The following SGCZ variants were observed in gnomAD, a reference collection of about 807,000 sequenced individuals.
SGCZ encodes the protein sarcoglycan zeta.
In SGCZ, 40 loss-of-function variants were observed where a neutral mutation model predicts 41.3. That is an observed-to-expected ratio of 0.97 (90% CI 0.75 to 1.26). SGCZ has a LOEUF of 1.26. Ranked by LOEUF, SGCZ falls within the 50% of genes most tolerant of loss-of-function variation. SGCZ has a pLI of 0.00. For missense variants in SGCZ, 552 were observed against 369.8 expected, an observed-to-expected ratio of 1.49 and a Z score of -4.04; for synonymous variants, 206 against 137.5, an observed-to-expected ratio of 1.50 and a Z score of -3.49.
At chr8:14,873,323 C>G (rs767242042) in intron 1 of SGCZ, among the ~76,000 whole-genome samples, 1 of 152,052 alleles carries the variant, frequency 6.6e-6, no homozygotes, top group African/African-American at 2.4e-5. Context: ...GCCCAATTGC[C>G]TTAACAGAGT....
chr8:14,588,059 A>C lies in SGCZ; in HGVS notation c.40-33133T>G, dbSNP rs574181924. Among the ~76,000 whole-genome samples the C allele has an allele frequency of 2.6e-5, 4 of 152,250 alleles. No individual in the cohort carries two copies. The South Asian group carries it at 6.2e-4, about 24-fold the overall frequency. On this transcript the variant is annotated intron_variant, in intron 1 of 7. Coordinates refer to ENST00000382080, the MANE Select transcript of SGCZ (RefSeq NM_139167.4). ...ATTTTTATACAGAATTAATTTATAC[A>C]CATATATATTTCAAACATTTTTGCT...
intron 1 of SGCZ, among the ~76,000 whole-genome samples, chr8:15,232,790 T>C (rs1801993688): frequency 7.9e-6 from 1 of 126,374 alleles, no homozygotes; most frequent in Admixed American, 9.0e-5. Flanking sequence ...TATATATGTG[T>C]GTATACATAT....
intron 1 of SGCZ, among the ~76,000 whole-genome samples, chr8:15,159,056 A>T (rs915372895): frequency 2.0e-5 from 3 of 152,180 alleles, no homozygotes; most frequent in African/African-American, 7.2e-5. Context: ...TGGTCACCTG[A>T]AAGACCAGAA....
Position 15,133,891 on chromosome 8 carries a change from G to T in SGCZ, c.39+103694C>A, listed in dbSNP as rs1377743926. Among the ~76,000 whole-genome samples, 4 of 152,088 alleles carry T rather than the reference G, an allele frequency of 2.6e-5. No homozygotes were observed. In the East Asian group the frequency reaches 7.7e-4, roughly 29 times the overall value. On this transcript the variant is annotated intron_variant, in intron 1 of 7. Coordinates refer to ENST00000382080, the MANE Select transcript of SGCZ (RefSeq NM_139167.4). ...ACAATGATCCTTTGCTAATTTTTGA[G>T]GGAAGTCTATTTTTCTTAGTAAGCC... is the stretch of plus-strand genomic sequence containing the variant.
intron 1 of SGCZ, among the ~76,000 whole-genome samples, chr8:14,945,158 G>A (rs1370445761): frequency 1.6e-5 from 2 of 125,044 alleles, no homozygotes; most frequent in African/African-American, 5.9e-5. Context: ...TGTTGTGTGT[G>A]GGTGGGTGGG....
intron 2 of SGCZ, among the ~76,000 whole-genome samples, chr8:14,530,966 C>T (rs1366619839): frequency 6.6e-6 from 1 of 151,962 alleles, no homozygotes; most frequent in Non-Finnish European, 1.5e-5. Flanking sequence ...CAGACAAGTT[C>T]CCAGGTGGAC....
chr8:15,134,433 C>A (rs1281572987), intron 1 of SGCZ, among the ~76,000 whole-genome samples: 1 of 151,894 alleles, frequency 6.6e-6, no homozygotes, highest in Non-Finnish European at 1.5e-5. Flanking sequence ...ATTCACTGAG[C>A]AATTACAACC....
intron 1 of SGCZ, among the ~76,000 whole-genome samples, chr8:15,221,599 G>T (rs1801604725): frequency 6.6e-6 from 1 of 152,162 alleles, no homozygotes; most frequent in South Asian, 2.1e-4. Context: ...TTTGAAATCT[G>T]TGAAGACACT....
intron 1 of SGCZ, among the ~76,000 whole-genome samples, chr8:14,664,769 A>T (rs1807854768): frequency 6.6e-6 from 1 of 152,202 alleles, no homozygotes; most frequent in South Asian, 2.1e-4. Context: ...TCATAATTTG[A>T]ATTCTGTGAA....
intron 1 of SGCZ, among the ~76,000 whole-genome samples, chr8:15,007,998 A>T (rs1434325067): frequency 6.6e-6 from 1 of 152,200 alleles, no homozygotes; most frequent in Non-Finnish European, 1.5e-5. Flanking sequence ...CTCAAGTTAC[A>T]GTAAGTCAAT....
At chr8:15,108,309 T>C (rs1249214371) in intron 1 of SGCZ, among the ~76,000 whole-genome samples, 2 of 152,184 alleles carry the variant, frequency 1.3e-5, no homozygotes, top group Non-Finnish European at 2.9e-5. Context: ...GTGATTAAAT[T>C]TTTATCAAAC....
intron 1 of SGCZ, among the ~76,000 whole-genome samples, chr8:15,198,976 C>T (rs1800816104): frequency 6.6e-6 from 1 of 152,206 alleles, no homozygotes; most frequent in South Asian, 2.1e-4. Flanking sequence ...ATTCTTAACA[C>T]ATCAAGTAAC....
chr8:15,100,076 C>T lies in SGCZ; in HGVS notation c.39+137509G>A, dbSNP rs116612240. Among the ~76,000 whole-genome samples the T allele has an allele frequency of 5.2e-3, 798 of 152,124 alleles. 5 individuals carry two copies. Among genetic ancestry groups the T allele is most frequent in the African/African-American group, 0.019 (774 of 41,504 alleles). On this transcript the variant is annotated intron_variant, in intron 1 of 7. Transcript: ENST00000382080. Reference sequence around the variant, plus strand: ...GATGTCTTTTCTTACCACTTCTAGTCAACATTGTACCAAAAGTCATAGCTA... The same window carrying T: ...GATGTCTTTTCTTACCACTTCTAGTTAACATTGTACCAAAAGTCATAGCTA...
intron 1 of SGCZ, among the ~76,000 whole-genome samples, chr8:14,771,150 T>C (rs6980965): frequency 0.19 from 29,132 of 151,638 alleles, 4,624 homozygotes; most frequent in African/African-American, 0.44. Context: ...AGTTTTTAGA[T>C]GGGGACAGAA....
chr8:14,489,726 A>G (rs1318107197), intron 2 of SGCZ, among the ~76,000 whole-genome samples: 5 of 152,088 alleles, frequency 3.3e-5, no homozygotes. Flanking sequence ...TAGCTCCCCT[A>G]TCTCCCAGTC....
intron 3 of SGCZ, chr8:14,309,034 G>A (rs898406993): frequency 8.8e-6 from 11 of 1,253,196 alleles, no homozygotes; most frequent in East Asian, 4.7e-5. Context: ...AAATGAAACC[G>A]GAAGCCTCCC....
At chr8:14,669,910 A>C (rs1808048951) in intron 1 of SGCZ, among the ~76,000 whole-genome samples, 2 of 152,182 alleles carry the variant, frequency 1.3e-5, no homozygotes. Context: ...TAGTCCACAT[A>C]GGAATTAAAC....
chr8:14,671,785 T>C (rs1425457750), intron 1 of SGCZ, among the ~76,000 whole-genome samples: 1 of 152,088 alleles, frequency 6.6e-6, no homozygotes, highest in Non-Finnish European at 1.5e-5. Context: ...AACAAAACAA[T>C]TTTTTCCAAA....
chr8:14,466,840 T>G (rs1012474284), intron 2 of SGCZ, among the ~76,000 whole-genome samples: 3 of 151,894 alleles, frequency 2.0e-5, no homozygotes, highest in Admixed American at 6.6e-5. Flanking sequence ...ATTTTCATTT[T>G]GTTTATACAT....
Sources: gnomAD v4.1 joint callset for allele counts (sites outside exome capture counted in the v4.1 genomes callset) on GRCh38, gnomAD v4.1.1 for gene constraint, MANE v1.5 for transcripts, NCBI Gene and HGNC (gene_info 2026-07-23, HGNC 2026-07-21) for gene names.